MAT2B: variants seen among roughly 807,000 people sequenced by gnomAD.
MAT2B encodes the protein methionine adenosyltransferase 2 non-catalytic beta subunit.
Under a neutral mutation model 36.1 loss-of-function variants are expected in MAT2B, and 16 were observed. The ratio of observed to expected loss-of-function variants is 0.44; its 90% CI spans 0.30 to 0.67. The LOEUF (loss-of-function observed/expected upper bound fraction) is 0.67, where lower values mean the gene tolerates loss of function less well. Ranked by LOEUF, MAT2B falls within the 30% of genes least tolerant of loss-of-function variation. The pLI is 0.09. For synonymous variants in MAT2B, 148 were observed against 136.9 expected (o/e 1.08, Z -0.57); for missense variants, 332 against 398.2 (o/e 0.83, Z 1.42).
chr5:163,510,090 T>C (rs918413258), intron 1 of MAT2B, among the ~76,000 whole-genome samples: 1 of 152,176 alleles, frequency 6.6e-6, no homozygotes, highest in African/African-American at 2.4e-5. Flanking sequence ...TTGGTTATTG[T>C]ATATGTATTT....
intron 2 of MAT2B, chr5:163,513,353 CA>C: frequency 2.1e-6 from 1 of 469,332 alleles, no homozygotes; most frequent in Admixed American, 3.6e-5. Context: ...ATACTCTTTT[CA>C]GTGCCTATAA....
At chr5:163,518,158 A>G (rs1458962639) in intron 6 of MAT2B, 35 bp from the exon 7 acceptor site, 14 of 1,514,112 alleles carry the variant, frequency 9.2e-6, no homozygotes, top group Non-Finnish European at 1.3e-5. Context: ...CCTTTCACTT[A>G]CTTTTGATTT....
chr5:163,506,323 A>T (rs1287382969), intron 1 of MAT2B, among the ~76,000 whole-genome samples: 1 of 152,166 alleles, frequency 6.6e-6, no homozygotes, highest in East Asian at 1.9e-4. Flanking sequence ...TTCATTCCGT[A>T]AGGTTGGAGC....
chr5:163,505,462 G>C (rs1759911035), upstream of MAT2B: 1 of 1,162,246 alleles, frequency 8.6e-7, no homozygotes, highest in African/African-American at 1.6e-5. Context: ...TTTAAGCATC[G>C]GCGCGTGGGC....
chr5:163,513,680 CTT>C lies in MAT2B; in HGVS notation c.373+13_373+14del, dbSNP rs1760085235. The C allele has an allele frequency of 3.8e-6, 6 of 1,596,742 alleles. No homozygotes were observed. In the African/African-American group the frequency reaches 4.0e-5, roughly 11 times the overall value. On this transcript the variant is annotated intron_variant, in intron 3 of 6. Coordinates refer to ENST00000321757, the MANE Select transcript of MAT2B (RefSeq NM_013283.5). ...TAGCAAAGGAAGCAGGTAATGATGA[CTT>C]TATAAAATTTTCATAAAATATTAAG...
upstream of MAT2B, among the ~76,000 whole-genome samples, chr5:163,504,733 A>T (rs1265292884): frequency 2.6e-5 from 4 of 152,146 alleles, no homozygotes; most frequent in Admixed American, 6.5e-5. Context: ...TTTTAACTGG[A>T]AGGGAAATAA....
At chr5:163,505,607 G>A (rs1394392482), upstream of MAT2B, 1 of 1,248,860 alleles carries the variant, frequency 8.0e-7, no homozygotes, top group African/African-American at 1.6e-5. Context: ...GCGGGCCGAG[G>A]GCGTCTGAGC....
At chr5:163,511,903 G>A (rs950879807) in intron 1 of MAT2B, 99 bp from the exon 2 acceptor site, 7 of 894,404 alleles carry the variant, frequency 7.8e-6, no homozygotes, top group African/African-American at 1.7e-5. Flanking sequence ...GTCAAAATAC[G>A]TAGAATTAAG....
At position 163,518,144 on chromosome 5, in the gene MAT2B, A is replaced by G. The variant is rs756705140; in HGVS notation, c.835-49A>G. The G allele has an allele frequency of 3.0e-5, 42 of 1,390,728 alleles. No homozygotes were observed. In the African/African-American group the frequency reaches 6.0e-4, roughly 20 times the overall value. 86.1% of individuals were successfully genotyped at this position (1,390,728 alleles called of 1,614,324 possible). On this transcript the variant is annotated intron_variant, in intron 6 of 6. Transcript: ENST00000321757. ...TCAGGGGGAACAAAGCCCTCAAAAT[A>G]TAGCCTTTCACTTACTTTTGATTTT...
intron 1 of MAT2B, among the ~76,000 whole-genome samples, chr5:163,507,500 T>A (rs1759966732): frequency 6.6e-6 from 1 of 152,222 alleles, no homozygotes; most frequent in South Asian, 2.1e-4. Flanking sequence ...TAGAGTAACT[T>A]AAACTGATAT....
At chr5:163,516,472 T>C (rs1760134592) in intron 4 of MAT2B, 46 bp from the exon 5 acceptor site, 7 of 1,513,000 alleles carry the variant, frequency 4.6e-6, no homozygotes, top group Non-Finnish European at 6.4e-6. Flanking sequence ...ACATCAAAAT[T>C]TAAGAATCAG....
intron 4 of MAT2B, 117 bp downstream of exon 4, chr5:163,514,111 A>T (rs560841273): frequency 1.3e-6 from 1 of 776,242 alleles, no homozygotes; most frequent in Admixed American, 3.4e-5. Context: ...ATTAGAGAAA[A>T]ATTAGAATAT....
At chr5:163,506,922 A>T (rs1759954966) in intron 1 of MAT2B, among the ~76,000 whole-genome samples, 1 of 152,194 alleles carries the variant, frequency 6.6e-6, no homozygotes, top group African/African-American at 2.4e-5. Context: ...AAGCTTACTG[A>T]CTCATGAGAA....
In MAT2B at chr5:163,513,914, A is replaced by G; in HGVS notation, c.446A>G (p.Glu149Gly). The G allele has an allele frequency of 1.2e-6, 2 of 1,613,632 alleles. No individual in the cohort carries two copies. Among genetic ancestry groups the G allele is most frequent in the Non-Finnish European group, 1.7e-6 (2 of 1,179,688 alleles). The stretch of plus-strand genomic sequence containing the variant: ...GATGGAACAAATCCACCTTACAGAG[A>G]GGAAGACATACCAGCTCCCCTAAAT... ...VFDGTNPPYR[E>G]EDIPAPLNLY... The change falls in exon 4 of 7, where the codon GAG becomes GGG. Residue 149 changes from glutamate (E) to glycine (G), a missense_variant. By Grantham distance (98) the Glu-to-Gly change is moderately conservative (BLOSUM62 -2). Transcript: ENST00000321757.
At chr5:163,503,750 GTTCT>G (rs1453712424), upstream of MAT2B, among the ~76,000 whole-genome samples, 2 of 152,176 alleles carry the variant, frequency 1.3e-5, no homozygotes, top group African/African-American at 2.4e-5. Context: ...CTTTCCAGAT[GTTCT>G]TTGTCTTTGT....
chr5:163,512,100 T>C lies in MAT2B; in HGVS notation c.162T>C (p.His54=). Residue 54 remains histidine (H), a synonymous_variant, in exon 2 of 7, where the codon CAT becomes CAC. Coordinates refer to ENST00000321757, the MANE Select transcript of MAT2B (RefSeq NM_013283.5). The part of the protein sequence containing the change: ...VHKEFQQNNW[H]AVGCGFRRAR... ...AAGAATTTCAGCAGAATAATTGGCATGCAGTTGGCTGTGGTTTCAGAAGAG... is the reference window on the plus strand; with the variant it reads ...AAGAATTTCAGCAGAATAATTGGCACGCAGTTGGCTGTGGTTTCAGAAGAG... 1 of 1,614,192 alleles carries C rather than the reference T, an allele frequency of 6.2e-7. No individual in the cohort carries two copies. Among genetic ancestry groups the C allele is most frequent in the Non-Finnish European group, 8.5e-7 (1 of 1,179,990 alleles).
At chr5:163,512,813 T>G (rs1189276083) in intron 2 of MAT2B, 1 of 386,056 alleles carries the variant, frequency 2.6e-6, no homozygotes, top group East Asian at 8.2e-5. Context: ...CCTGAGTACC[T>G]GAGACTACAG....
chr5:163,505,793 C>G, intron 1 of MAT2B, 44 bp downstream of exon 1: 1 of 1,242,280 alleles, frequency 8.0e-7, no homozygotes, highest in Non-Finnish European at 1.0e-6. Flanking sequence ...GCGGGGGCGC[C>G]GAGGGGGACG....
upstream of MAT2B, among the ~76,000 whole-genome samples, chr5:163,503,877 C>A (rs1185923542): frequency 6.6e-6 from 1 of 152,102 alleles, no homozygotes; most frequent in African/African-American, 2.4e-5. Flanking sequence ...GCGTTTGATT[C>A]GCATAGACCC....
Sources: gnomAD v4.1 joint callset for allele counts (sites outside exome capture counted in the v4.1 genomes callset) on GRCh38, gnomAD v4.1.1 for gene constraint, MANE v1.5 for transcripts, NCBI Gene and HGNC (gene_info 2026-07-23, HGNC 2026-07-21) for gene names.